Variants in COPE observed in about 807,000 individuals in gnomAD.
The protein encoded by COPE is coatomer subunit epsilon.
In COPE, 19 loss-of-function variants were observed where a neutral mutation model predicts 42.1. That is an observed-to-expected ratio of 0.45 (90% CI 0.31 to 0.66). The LOEUF is 0.66. Among genes scored for constraint, COPE ranks in the 30% least tolerant of loss-of-function variants. The pLI, the probability that COPE is intolerant of heterozygous loss-of-function variation, is 0.05. For synonymous variants in COPE, 195 were observed against 181.3 expected, an observed-to-expected ratio of 1.08 and a Z score of -0.60; for missense variants, 402 against 416.1, an observed-to-expected ratio of 0.97 and a Z score of 0.30.
Position 18,907,086 on chromosome 19 carries a change from C to A in COPE, c.317G>T (p.Arg106Leu), listed in dbSNP as rs201327389. ...CACGTCCACGCTCCTGCTCATCTCT[C>A]GGTCCAGCTCGGCCACGATGCTGTC... The part of the protein sequence containing the change: ...RRDSIVAELD[R>L]EMSRSVDVTN... Residue 106 changes from arginine (R) to leucine (L), a missense_variant, in exon 4 of 10, where the codon CGA becomes CTA. Coordinates refer to ENST00000262812, the MANE Select transcript of COPE (RefSeq NM_007263.4). 2.5e-6 allele frequency: 4 copies of A among 1,611,822 alleles called. No homozygotes were observed. The African/African-American group carries it at 5.3e-5, about 22-fold the overall frequency.
Position 18,901,790 on chromosome 19 carries a change from C to T in COPE, c.736-1341G>A, listed in dbSNP as rs537503302. 9.9e-5 allele frequency among the ~76,000 whole-genome samples: 15 copies of T among 152,276 alleles called. 1 individual carries two copies. Among genetic ancestry groups the T allele is most frequent in the South Asian group, 2.1e-4 (1 of 4,830 alleles). ...TAACAAAAAATACAAAAATTAGCCA[C>T]GCATGGTGGCATACCGTTTCAAAAA... On this transcript the variant is annotated intron_variant, in intron 7 of 9. Coordinates refer to ENST00000262812, the MANE Select transcript of COPE (RefSeq NM_007263.4).
intron 6 of COPE, among the ~76,000 whole-genome samples, chr19:18,904,426 C>T (rs531906600): frequency 8.5e-5 from 13 of 152,338 alleles, no homozygotes; most frequent in African/African-American, 2.9e-4. Context: ...CCCTGGCTGG[C>T]GACCAGGACC....
intron 1 of COPE, among the ~76,000 whole-genome samples, chr19:18,913,998 A>G (rs935913504): frequency 3.3e-5 from 5 of 152,108 alleles, no homozygotes; most frequent in Admixed American, 3.3e-4. Context: ...ACGTGTCCTC[A>G]TCCCAGGCCG....
intron 4 of COPE, 70 bp from the exon 5 acceptor site, chr19:18,905,699 G>T: frequency 1.4e-6 from 2 of 1,462,614 alleles, no homozygotes; most frequent in Non-Finnish European, 1.9e-6. Context: ...CCACACCCAG[G>T]GCTCACTGTG....
intron 2 of COPE, 24 bp downstream of exon 2, chr19:18,912,960 C>G (rs2056823636): frequency 6.2e-7 from 1 of 1,609,054 alleles, no homozygotes; most frequent in Non-Finnish European, 8.5e-7. Context: ...ATCACTCTTG[C>G]CCCCGGCCAA....
At chr19:18,911,182 C>T in intron 2 of COPE, 111 bp from the exon 3 acceptor site, 2 of 927,678 alleles carry the variant, frequency 2.2e-6, no homozygotes, top group Non-Finnish European at 3.5e-6. Flanking sequence ...CCAGGGACCC[C>T]TCAGCCCAGC....
At chr19:18,914,853 T>C (rs906001559) in intron 1 of COPE, among the ~76,000 whole-genome samples, 15 of 144,494 alleles carry the variant, frequency 1.0e-4, no homozygotes, top group Admixed American at 9.4e-4. Flanking sequence ...GCCGCCTGGG[T>C]TCAAGAGATT....
At chr19:18,917,246 T>C (rs946514278) in intron 1 of COPE, among the ~76,000 whole-genome samples, 57 of 149,222 alleles carry the variant, frequency 3.8e-4, no homozygotes, top group South Asian at 1.9e-3. Context: ...TTTTTCTTTT[T>C]TTTTTTTTTT....
In COPE at chr19:18,900,575, G is replaced by A. The variant is rs57011364; in HGVS notation, c.736-126C>T. 5,341 of 662,990 alleles carry A rather than the reference G, an allele frequency of 8.1e-3. 195 individuals are homozygous for A. The African/African-American group carries it at 0.084, about 10-fold the overall frequency. The allele number at this position is 662,990 out of a possible 1,614,324, so 41.1% of individuals were successfully genotyped here. A position where few individuals can be genotyped will look rare whatever the true frequency, so the allele number is the denominator to read the frequency against. ...TCAGAGGTGGGGTGGGACTGACACC[G>A]CCCACCGCTCTGCAAGGTGGAGATC... On this transcript the variant is annotated intron_variant, in intron 7 of 9. Transcript: ENST00000262812.
chr19:18,916,006 A>G (rs2056850554), intron 1 of COPE, among the ~76,000 whole-genome samples: 1 of 152,210 alleles, frequency 6.6e-6, no homozygotes, highest in Non-Finnish European at 1.5e-5. Context: ...ACCACAGACC[A>G]GATGGCTTAA....
intron 3 of COPE, among the ~76,000 whole-genome samples, chr19:18,908,891 G>A (rs943034269): frequency 4.6e-5 from 7 of 152,058 alleles, no homozygotes; most frequent in African/African-American, 1.7e-4. Flanking sequence ...CCAGCTATTC[G>A]GGAGGCTGAG....
intron 6 of COPE, among the ~76,000 whole-genome samples, chr19:18,904,413 C>T (rs528650036): frequency 2.3e-4 from 35 of 152,326 alleles, no homozygotes; most frequent in Admixed American, 1.1e-3. Context: ...CACTGAACTC[C>T]GTCCCTGGCT....
At chr19:18,911,168 C>CCCACCAGGGA in intron 2 of COPE, 97 bp from the exon 3 acceptor site, 3 of 1,047,460 alleles carry the variant, frequency 2.9e-6, no homozygotes, top group Non-Finnish European at 4.5e-6. Context: ...AAGTCCCTGC[C>CCCACCAGGGA]CCACCAGGGA....
chr19:18,904,132 AT>A (rs1375807758), intron 6 of COPE, among the ~76,000 whole-genome samples: 2 of 152,162 alleles, frequency 1.3e-5, no homozygotes, highest in Admixed American at 1.3e-4. Context: ...AGCCCAGCTA[AT>A]TTTGTATTTT....
chr19:18,917,658 C>G (rs1316246476), intron 1 of COPE, among the ~76,000 whole-genome samples: 1 of 151,962 alleles, frequency 6.6e-6, no homozygotes, highest in Non-Finnish European at 1.5e-5. Context: ...CCACCGCGCC[C>G]GGCCAGGAAA....
At chr19:18,914,360 T>C (rs2056836169) in intron 1 of COPE, among the ~76,000 whole-genome samples, 2 of 151,452 alleles carry the variant, frequency 1.3e-5, no homozygotes, top group Non-Finnish European at 2.9e-5. Flanking sequence ...GCCAACATGG[T>C]GAAACCCCGC....
chr19:18,901,241 AG>A (rs952977968), intron 7 of COPE, among the ~76,000 whole-genome samples: 3 of 152,268 alleles, frequency 2.0e-5, no homozygotes, highest in African/African-American at 7.2e-5. Flanking sequence ...CAAGGACAGA[AG>A]GGAGTCATCT....
At chr19:18,903,883 G>C (rs771118360) in intron 6 of COPE, among the ~76,000 whole-genome samples, 1 of 152,252 alleles carries the variant, frequency 6.6e-6, no homozygotes, top group Non-Finnish European at 1.5e-5. Flanking sequence ...CGATAGGTCT[G>C]CCGGGGCCTG....
At chr19:18,904,495 G>A (rs2056739726) in intron 6 of COPE, among the ~76,000 whole-genome samples, 3 of 152,246 alleles carry the variant, frequency 2.0e-5, no homozygotes, top group Non-Finnish European at 4.4e-5. Context: ...AGGAGGGCCT[G>A]CCAGGCCAAC....
Sources: allele counts gnomAD v4.1 joint callset (sites outside exome capture counted in the v4.1 genomes callset), GRCh38; gene constraint gnomAD v4.1.1; transcripts MANE v1.5; gene names NCBI Gene and HGNC (gene_info 2026-07-23, HGNC 2026-07-21).